VIPR2: variants seen among roughly 807,000 people sequenced by gnomAD.
VIPR2 encodes the protein vasoactive intestinal polypeptide receptor 2.
Under a neutral mutation model 58.0 loss-of-function variants are expected in VIPR2, and 48 were observed. The ratio of observed to expected loss-of-function variants is 0.83; its 90% CI spans 0.66 to 1.05. VIPR2 has a LOEUF of 1.05. Ranked by LOEUF, VIPR2 falls within the 50% of genes least tolerant of loss-of-function variation. The pLI is 0.00. For missense variants in VIPR2, 534 were observed against 558.0 expected, an observed-to-expected ratio of 0.96 and a Z score of 0.43; for synonymous variants, 243 against 235.2, an observed-to-expected ratio of 1.03 and a Z score of -0.30.
chr7:159,132,915 G>A (rs1797016961), intron 2 of VIPR2, among the ~76,000 whole-genome samples: 1 of 139,860 alleles, frequency 7.2e-6, no homozygotes, highest in African/African-American at 2.6e-5. Flanking sequence ...TTGGCATACA[G>A]ATTGATTTCA....
At chr7:159,054,665 A>G (rs1855202566) in intron 5 of VIPR2, among the ~76,000 whole-genome samples, 1 of 152,228 alleles carries the variant, frequency 6.6e-6, no homozygotes, top group Non-Finnish European at 1.5e-5. Context: ...GACAATACCG[A>G]ATGGAGGCAA....
intron 8 of VIPR2, among the ~76,000 whole-genome samples, chr7:159,035,412 G>C (rs1436862265): frequency 6.6e-6 from 1 of 152,220 alleles, no homozygotes; most frequent in Non-Finnish European, 1.5e-5. Context: ...GGAGTGATTT[G>C]TTACTTAGCA....
rs188861314 is a variant in VIPR2, at chr7:159,044,823, T to C, written c.456-1647A>G. Among the ~76,000 whole-genome samples, 1,252 of 152,092 alleles carry C rather than the reference T, an allele frequency of 8.2e-3. 20 individuals are homozygous for C. Among genetic ancestry groups the C allele is most frequent in the African/African-American group, 0.029 (1,197 of 41,502 alleles). ...TTCTGTCACCCAGGCTGGAGTGCAA[T>C]GGCGCAATCTTGGCTCATTGCAACT... On this transcript the variant is annotated intron_variant, in intron 5 of 12. Coordinates refer to ENST00000262178, the MANE Select transcript of VIPR2 (RefSeq NM_003382.5).
At chr7:159,132,630 A>T (rs940179048) in intron 2 of VIPR2, among the ~76,000 whole-genome samples, 1 of 152,272 alleles carries the variant, frequency 6.6e-6, no homozygotes, top group Non-Finnish European at 1.5e-5. Context: ...GCTCAGGGGG[A>T]TGACTCCGAG....
intron 2 of VIPR2, among the ~76,000 whole-genome samples, chr7:159,120,746 A>G (rs6954810): frequency 0.051 from 7,746 of 152,084 alleles, 519 homozygotes; most frequent in African/African-American, 0.16. Flanking sequence ...GTCCCACCGC[A>G]CCCTATTTAT....
At chr7:159,047,705 A>C (rs902950309) in intron 5 of VIPR2, among the ~76,000 whole-genome samples, 1 of 152,230 alleles carries the variant, frequency 6.6e-6, no homozygotes, top group African/African-American at 2.4e-5. Flanking sequence ...AAAATCTTTC[A>C]GTATTTATGT....
In VIPR2 at chr7:159,037,036, G is replaced by A. The variant is rs1854011486; in HGVS notation, c.598-134C>T. ...AGGAGACACCGGTGCCATTGGGAAG[G>A]AAAGTGATTAACACAGAGGCCAGGG... On this transcript the variant is annotated intron_variant, in intron 6 of 12. Transcript: ENST00000262178. The A allele has an allele frequency of 3.5e-6, 4 of 1,133,924 alleles. No individual in the cohort carries two copies. In the African/African-American group the frequency reaches 4.7e-5, roughly 13 times the overall value. 70.2% of individuals were successfully genotyped at this position (1,133,924 alleles called of 1,614,324 possible).
intron 4 of VIPR2, among the ~76,000 whole-genome samples, chr7:159,061,783 G>A (rs1394182000): frequency 6.6e-6 from 1 of 152,230 alleles, no homozygotes; most frequent in Admixed American, 6.5e-5. Context: ...CAGGAAAGAC[G>A]GCTTTCTGGA....
chr7:159,077,934 T>C (rs193059230), intron 4 of VIPR2, among the ~76,000 whole-genome samples: 2 of 152,252 alleles, frequency 1.3e-5, no homozygotes, highest in African/African-American at 4.8e-5. Flanking sequence ...ACATTTCCAA[T>C]TTTCCCTCAC....
chr7:159,078,172 T>C (rs2540354), intron 4 of VIPR2, among the ~76,000 whole-genome samples: 3 of 152,084 alleles, frequency 2.0e-5, no homozygotes, highest in Admixed American at 6.5e-5. Context: ...ACATTGAAAC[T>C]TCCCCCCCTC....
rs777184869 is a variant in VIPR2 at position 159,030,742 on chromosome 7, C to T, written c.1191G>A (p.Pro397=). ...KRKWRSRCPT[P]SASRDYRVCG... ...AGACCCTGTAATCCCGGCTCGCGGA[C>T]GGGGTCGGGCACCGGCTTCGCCATT... The change falls in exon 13 of 13, where the codon CCG becomes CCA. Residue 397 remains proline, a synonymous_variant. Transcript: ENST00000262178. 2.0e-5 allele frequency: 32 copies of T among 1,588,628 alleles called. No individual in the cohort carries two copies. The highest frequency in any genetic ancestry group is 2.7e-5 in the Non-Finnish European group (31 of 1,169,676).
At chr7:159,054,129 G>A (rs1459914151) in intron 5 of VIPR2, among the ~76,000 whole-genome samples, 2 of 152,168 alleles carry the variant, frequency 1.3e-5, no homozygotes, top group Non-Finnish European at 2.9e-5. Context: ...GCTCCTTCCT[G>A]TACCCGCTCC....
chr7:159,035,915 G>A (rs368571713), intron 8 of VIPR2, 37 bp downstream of exon 8: 23 of 1,601,844 alleles, frequency 1.4e-5, no homozygotes, highest in Non-Finnish European at 1.9e-5. Flanking sequence ...ATGTTGCCGG[G>A]CCCGTTTTCG....
intron 10 of VIPR2, among the ~76,000 whole-genome samples, chr7:159,033,197 C>T (rs1853696181): frequency 6.6e-6 from 1 of 152,210 alleles, no homozygotes; most frequent in African/African-American, 2.4e-5. Context: ...AAGTGACTTC[C>T]CTCAGGGCAC....
intron 4 of VIPR2, among the ~76,000 whole-genome samples, chr7:159,075,074 T>G (rs1856570819): frequency 6.6e-6 from 1 of 152,256 alleles, no homozygotes; most frequent in Non-Finnish European, 1.5e-5. Context: ...CCTCTTGTTC[T>G]GTTAGCCTTA....
At chr7:159,062,910 C>T (rs975172196) in intron 4 of VIPR2, among the ~76,000 whole-genome samples, 1 of 152,154 alleles carries the variant, frequency 6.6e-6, no homozygotes, top group Non-Finnish European at 1.5e-5. Context: ...ATCCCTGAGC[C>T]AGACACAAAA....
chr7:159,072,797 A>G (rs1856473839), intron 4 of VIPR2, among the ~76,000 whole-genome samples: 1 of 152,254 alleles, frequency 6.6e-6, no homozygotes, highest in Non-Finnish European at 1.5e-5. Context: ...TAGATTATTT[A>G]TGAAATATCA....
At chr7:159,107,073 G>C (rs1370445163) in intron 3 of VIPR2, among the ~76,000 whole-genome samples, 1 of 152,110 alleles carries the variant, frequency 6.6e-6, no homozygotes, top group Non-Finnish European at 1.5e-5. Context: ...ATACTTGAAG[G>C]CCTCCCTTAG....
At chr7:159,114,315 A>C (rs1796153218) in intron 2 of VIPR2, among the ~76,000 whole-genome samples, 1 of 151,942 alleles carries the variant, frequency 6.6e-6, no homozygotes, top group Non-Finnish European at 1.5e-5. Flanking sequence ...CCCCGAGAGA[A>C]GCACAGCCAC....
Sources: allele counts gnomAD v4.1 joint callset (sites outside exome capture counted in the v4.1 genomes callset), GRCh38; gene constraint gnomAD v4.1.1; transcripts MANE v1.5; gene names NCBI Gene and HGNC (gene_info 2026-07-23, HGNC 2026-07-21).